Variants in KLHL4 observed in about 807,000 individuals in gnomAD.
The protein encoded by KLHL4 is kelch like family member 4, also known as kelch-like protein 4.
KLHL4 carries 17 observed loss-of-function variants against 45.8 expected under a neutral mutation model. That is an observed-to-expected ratio of 0.37 (90% confidence interval 0.25 to 0.56). The LOEUF is 0.56. KLHL4 is among the 20% of genes least tolerant of loss of function. KLHL4 has a pLI of 0.79. For missense variants in KLHL4, 544 were observed against 544.9 expected (o/e 1.00, Z 0.02); for synonymous variants, 224 against 189.9 (o/e 1.18, Z -1.47).
Position 87,622,328 on chromosome X carries a change from G to T in KLHL4, c.1042G>T (p.Ala348Ser), listed in dbSNP as rs1922777084. 1 of 1,206,524 alleles carries T rather than the reference G, an allele frequency of 8.3e-7. No homozygotes were observed. Among genetic ancestry groups the T allele is most frequent in the Non-Finnish European group, 1.1e-6 (1 of 892,560 alleles). ...GCCTGATGAAGAGACCATTTTTCAT[G>T]CTCTAATGCAGTGGGTGGGGCATGA... ...NVPDEETIFHALMQWVGHDVQ... is the reference protein window; with the variant it reads ...NVPDEETIFHSLMQWVGHDVQ... Residue 348 changes from alanine (A) to serine (S), a missense_variant, in exon 5 of 11, where the codon GCT becomes TCT. Physicochemically the swap from Ala to Ser is moderately conservative, Grantham distance 99. Coordinates refer to ENST00000373119, the MANE Select transcript of KLHL4 (RefSeq NM_019117.5).
chrX:87,593,257 T>C (rs1323700334), intron 1 of KLHL4, among the ~76,000 whole-genome samples: 3 of 111,665 alleles, frequency 2.7e-5, no homozygotes, highest in African/African-American at 9.7e-5. Flanking sequence ...TAGTGAATAT[T>C]TCTTCTAATA....
intron 9 of KLHL4, among the ~76,000 whole-genome samples, chrX:87,644,936 C>G: frequency 8.9e-6 from 1 of 111,818 alleles, no homozygotes; most frequent in African/African-American, 3.3e-5. Flanking sequence ...AGACCTGAAA[C>G]TATAAAAATT....
intron 1 of KLHL4, among the ~76,000 whole-genome samples, chrX:87,613,476 A>C (rs1922449186): frequency 8.9e-6 from 1 of 111,862 alleles, no homozygotes; most frequent in Non-Finnish European, 1.9e-5. Context: ...GAGAAGCTTC[A>C]GGACATAATC....
intron 5 of KLHL4, 145 bp downstream of exon 5, chrX:87,622,568 C>T (rs955948417): frequency 2.6e-6 from 1 of 391,166 alleles, no homozygotes; most frequent in Non-Finnish European, 4.3e-6. Flanking sequence ...AGAACATATT[C>T]AGCCATCAAT....
At chrX:87,666,369 T>C in intron 10 of KLHL4, 106 bp from the exon 11 acceptor site, 1 of 754,085 alleles carries the variant, frequency 1.3e-6, no homozygotes, top group Non-Finnish European at 1.8e-6. Context: ...AAGGTGATGT[T>C]AGACCAAATT....
chrX:87,649,391 T>A (rs140078748), intron 9 of KLHL4, among the ~76,000 whole-genome samples: 1 of 111,827 alleles, frequency 8.9e-6, no homozygotes, highest in Non-Finnish European at 1.9e-5. Flanking sequence ...ATCATTATTA[T>A]AGTAGTTCCG....
chrX:87,523,756 A>G (rs1400313925), intron 1 of KLHL4, among the ~76,000 whole-genome samples: 1 of 111,106 alleles, frequency 9.0e-6, no homozygotes, highest in African/African-American at 3.3e-5. Flanking sequence ...TGAGGTCAGG[A>G]GTTCGAGACC....
At chrX:87,579,148 T>TG (rs1921192314) in intron 1 of KLHL4, among the ~76,000 whole-genome samples, 1 of 108,474 alleles carries the variant, frequency 9.2e-6, no homozygotes, top group Admixed American at 9.9e-5. Context: ...GGGAGAGGAG[T>TG]GGAGCATGTC....
At chrX:87,597,715 G>A (rs1921883147) in intron 1 of KLHL4, among the ~76,000 whole-genome samples, 1 of 111,511 alleles carries the variant, frequency 9.0e-6, no homozygotes, top group Non-Finnish European at 1.9e-5. Context: ...TGTTTCTTGG[G>A]AATCCAACTT....
At position 87,666,921 on chromosome X, in the gene KLHL4, T is replaced by A. The variant is rs1043331413; in HGVS notation, c.*387T>A. On this transcript the variant is annotated 3_prime_UTR_variant, in exon 11 of 11. Transcript: ENST00000373119. ...GTTAAAAACATTTTCAGTTTTTTTT[T>A]AAAAAACGTACTCTTATTATCTGGA... 109 of 687,063 alleles carry A rather than the reference T, an allele frequency of 1.6e-4. No homozygotes were observed. The highest frequency in any genetic ancestry group is 6.2e-4 in the Admixed American group (7 of 11,260). The allele number at this position is 687,063 out of a possible 1,213,427, so 56.6% of individuals were successfully genotyped here.
intron 1 of KLHL4, among the ~76,000 whole-genome samples, chrX:87,518,769 G>C (rs139479945): frequency 9.0e-6 from 1 of 111,729 alleles, no homozygotes; most frequent in South Asian, 3.7e-4. Context: ...ACATAGTTGC[G>C]ATATTGACTC....
rs1168166977 is a variant in KLHL4, at chrX:87,668,166, T to C, written c.*1632T>C. ...ACACACATACAGCCCTGTTAGGTCT[T>C]TTGAATTCACACCTTATTGAAATCA... On this transcript the variant is annotated 3_prime_UTR_variant, in exon 11 of 11. Coordinates refer to ENST00000373119, the MANE Select transcript of KLHL4 (RefSeq NM_019117.5). The C allele has an allele frequency of 2.7e-6, 2 of 748,181 alleles. No homozygotes were observed. Among genetic ancestry groups the C allele is most frequent in the African/African-American group, 2.3e-5 (1 of 43,153 alleles). 61.7% of individuals were successfully genotyped at this position (748,181 alleles called of 1,213,427 possible).
At chrX:87,635,109 T>C (rs190734676) in intron 8 of KLHL4, among the ~76,000 whole-genome samples, 4 of 111,961 alleles carry the variant, frequency 3.6e-5, no homozygotes, top group African/African-American at 9.7e-5. Context: ...TAAGCTAATG[T>C]CTTCTAAGTG....
At chrX:87,567,029 T>C (rs1385830384) in intron 1 of KLHL4, among the ~76,000 whole-genome samples, 1 of 110,613 alleles carries the variant, frequency 9.0e-6, no homozygotes, top group Non-Finnish European at 1.9e-5. Context: ...TTTACCTATG[T>C]AACAAACCTG....
intron 5 of KLHL4, 75 bp downstream of exon 5, chrX:87,622,498 C>T: frequency 1.5e-6 from 1 of 667,404 alleles, no homozygotes; most frequent in Non-Finnish European, 2.2e-6. Flanking sequence ...TCTTATTTGC[C>T]TAATTTTATT....
chrX:87,661,317 A>G (rs1924179948), intron 9 of KLHL4, among the ~76,000 whole-genome samples: 1 of 111,741 alleles, frequency 8.9e-6, no homozygotes, highest in African/African-American at 3.3e-5. Context: ...AGTTGATTTT[A>G]TCACAAAAAA....
At chrX:87,589,290 C>A (rs1425693477) in intron 1 of KLHL4, among the ~76,000 whole-genome samples, 3 of 111,838 alleles carry the variant, frequency 2.7e-5, no homozygotes, top group African/African-American at 9.8e-5. Flanking sequence ...TATGACCCAG[C>A]AATTCCACTG....
chrX:87,591,708 T>G (rs143922470), intron 1 of KLHL4, among the ~76,000 whole-genome samples: 3,485 of 111,633 alleles, frequency 0.031, 126 homozygotes, highest in African/African-American at 0.11. Flanking sequence ...GACTTATTAA[T>G]TTAACATTTT....
intron 8 of KLHL4, 66 bp from the exon 9 acceptor site, chrX:87,635,497 C>A: frequency 3.6e-6 from 3 of 827,286 alleles, no homozygotes; most frequent in Non-Finnish European, 5.3e-6. Flanking sequence ...TCATTCTATG[C>A]ATGCATTTTG....
Sources: gnomAD v4.1 joint callset for allele counts (sites outside exome capture counted in the v4.1 genomes callset) on GRCh38, gnomAD v4.1.1 for gene constraint, MANE v1.5 for transcripts, NCBI Gene and HGNC (gene_info 2026-07-23, HGNC 2026-07-21) for gene names.